The following NDUFB5 variants were observed in gnomAD, a reference collection of about 807,000 sequenced individuals.
NDUFB5 encodes the protein NADH dehydrogenase [ubiquinone] 1 beta subcomplex subunit 5, mitochondrial.
Under a neutral mutation model 19.4 loss-of-function variants are expected in NDUFB5, and 19 were observed. The observed-to-expected ratio is 0.98, with a 90% CI of 0.68 to 1.43. The LOEUF (loss-of-function observed/expected upper bound fraction) is 1.43. Among genes scored for constraint, NDUFB5 ranks in the 40% most tolerant of loss-of-function variants. The pLI, the probability that NDUFB5 is intolerant of heterozygous loss-of-function variation, is 0.00. For synonymous variants in NDUFB5, 80 were observed against 82.6 expected, an observed-to-expected ratio of 0.97 and a Z score of 0.17; for missense variants, 233 against 236.5, an observed-to-expected ratio of 0.99 and a Z score of 0.10.
chr3:179,605,364 G>A (rs572743259), intron 1 of NDUFB5, among the ~76,000 whole-genome samples: 92 of 152,308 alleles, frequency 6.0e-4, no homozygotes, highest in Non-Finnish European at 9.6e-4. Context: ...CAGGTAAAGA[G>A]GCTCAGGGCC....
chr3:179,620,558 C>A (rs1719508959), intron 5 of NDUFB5, among the ~76,000 whole-genome samples: 1 of 152,086 alleles, frequency 6.6e-6, no homozygotes, highest in African/African-American at 2.4e-5. Context: ...TAGTCTATAT[C>A]TCTGTTTTGG....
At chr3:179,619,887 C>T (rs964256083) in intron 5 of NDUFB5, among the ~76,000 whole-genome samples, 16 of 152,142 alleles carry the variant, frequency 1.1e-4, no homozygotes, top group Admixed American at 8.5e-4. Flanking sequence ...TAATGATCAC[C>T]ATTCTAACTG....
intron 1 of NDUFB5, among the ~76,000 whole-genome samples, chr3:179,610,335 TC>T (rs1315601795): frequency 6.6e-6 from 1 of 152,054 alleles, no homozygotes; most frequent in Non-Finnish European, 1.5e-5. Flanking sequence ...CTCAAGAAAT[TC>T]CCCACCTCAG....
At chr3:179,610,441 CTG>C (rs538688056) in intron 1 of NDUFB5, among the ~76,000 whole-genome samples, 6 of 152,178 alleles carry the variant, frequency 3.9e-5, no homozygotes, top group Non-Finnish European at 8.8e-5. Flanking sequence ...GTTGAGTTTT[CTG>C]TGTGTTCTGA....
rs1488201292 is a variant in NDUFB5 at position 179,624,617 on chromosome 3, G to C, written c.*577G>C. 1 of 75,166 alleles carries C rather than the reference G, an allele frequency of 1.3e-5. No individual in the cohort carries two copies. Among genetic ancestry groups the C allele is most frequent in the African/African-American group, 5.9e-5 (1 of 16,874 alleles). The allele number at this position is 75,166 out of a possible 1,614,324, so 4.7% of individuals were successfully genotyped here. A position where few individuals can be genotyped will look rare whatever the true frequency, so the allele number is the denominator to read the frequency against. On this transcript the variant is annotated 3_prime_UTR_variant, in exon 6 of 6. Transcript: ENST00000259037. ...CACACACACACACGCTCTTTTCCTA[G>C]ATGCAATCTCTGGGATCCCTTAGAG...
At chr3:179,623,713 C>T (rs1025064987) in intron 5 of NDUFB5, among the ~76,000 whole-genome samples, 3 of 152,050 alleles carry the variant, frequency 2.0e-5, no homozygotes, top group African/African-American at 7.2e-5. Flanking sequence ...TGATAGCTAT[C>T]TATATAAGCA....
At chr3:179,621,496 C>CTTTT (rs35414472) in intron 5 of NDUFB5, among the ~76,000 whole-genome samples, 1 of 130,590 alleles carries the variant, frequency 7.7e-6, no homozygotes, top group Admixed American at 7.9e-5. Context: ...TTTTCTTTTT[C>CTTTT]TTTTTTTTTT....
chr3:179,622,151 TTTTG>T (rs1488372147), intron 5 of NDUFB5, among the ~76,000 whole-genome samples: 3 of 151,962 alleles, frequency 2.0e-5, no homozygotes, highest in East Asian at 1.9e-4. Flanking sequence ...AGGGGGGTTT[TTTTG>T]TTTGTTTGTT....
chr3:179,610,157 A>G (rs1576877997), intron 1 of NDUFB5, among the ~76,000 whole-genome samples: 1 of 152,128 alleles, frequency 6.6e-6, no homozygotes, highest in Non-Finnish European at 1.5e-5. Flanking sequence ...CAGTGGCGCA[A>G]TCATAGCTCA....
chr3:179,615,379 T>C (rs1013104561), intron 2 of NDUFB5: 3 of 256,530 alleles, frequency 1.2e-5, no homozygotes, highest in African/African-American at 6.7e-5. Context: ...CCAAAGAACT[T>C]GTTGAAAGAC....
chr3:179,611,473 C>T (rs375586240), intron 1 of NDUFB5, among the ~76,000 whole-genome samples: 8 of 151,006 alleles, frequency 5.3e-5, no homozygotes, highest in Non-Finnish European at 1.0e-4. Context: ...AGTGTAGTGG[C>T]GCGATCTTGG....
intron 1 of NDUFB5, among the ~76,000 whole-genome samples, chr3:179,606,207 C>A (rs1005272740): frequency 1.3e-5 from 2 of 152,312 alleles, no homozygotes; most frequent in African/African-American, 4.8e-5. Flanking sequence ...TTTATTATCT[C>A]AGAGACTCTG....
chr3:179,620,327 T>A (rs1236521837), intron 5 of NDUFB5, among the ~76,000 whole-genome samples: 1 of 151,808 alleles, frequency 6.6e-6, no homozygotes, highest in Non-Finnish European at 1.5e-5. Flanking sequence ...TTTTATGGTT[T>A]TAGGTCTAAC....
chr3:179,622,392 C>T (rs529539638), intron 5 of NDUFB5, among the ~76,000 whole-genome samples: 1 of 152,210 alleles, frequency 6.6e-6, no homozygotes, highest in Non-Finnish European at 1.5e-5. Flanking sequence ...AAGCAACCTT[C>T]CCACCTCAGC....
At chr3:179,619,414 T>C (rs1349031482) in intron 5 of NDUFB5, among the ~76,000 whole-genome samples, 3 of 151,202 alleles carry the variant, frequency 2.0e-5, no homozygotes, top group African/African-American at 7.3e-5. Flanking sequence ...TGTGTTCTCA[T>C]TGTTCAATTC....
chr3:179,624,604 C>CACACACACACACACACACACACAT lies in NDUFB5; in HGVS notation c.*564_*565insACACACACACACACACACACACAT, dbSNP rs3832244. 4.7e-5 allele frequency: 7 copies of CACACACACACACACACACACACAT among 150,070 alleles called. No homozygotes were observed. Among genetic ancestry groups the CACACACACACACACACACACACAT allele is most frequent in the African/African-American group, 1.7e-4 (7 of 40,578 alleles). The allele number at this position is 150,070 out of a possible 1,614,324, so 9.3% of individuals were successfully genotyped here. A position where few individuals can be genotyped will look rare whatever the true frequency, so the allele number is the denominator to read the frequency against. On this transcript the variant is annotated 3_prime_UTR_variant, in exon 6 of 6. Coordinates refer to ENST00000259037, the MANE Select transcript of NDUFB5 (RefSeq NM_002492.4). ...ACACACACACACACACACACACACACGCTCTTTTCCTAGATGCAATCTCTG... is the reference window on the plus strand; with the variant it reads ...ACACACACACACACACACACACACACACACACACACACACACACACACATGCTCTTTTCCTAGATGCAATCTCTG...
At chr3:179,622,514 C>T (rs1363622553) in intron 5 of NDUFB5, among the ~76,000 whole-genome samples, 1 of 152,214 alleles carries the variant, frequency 6.6e-6, no homozygotes, top group East Asian at 1.9e-4. Context: ...AAAAACATAA[C>T]AGTATATGTA....
intron 5 of NDUFB5, among the ~76,000 whole-genome samples, chr3:179,620,516 G>T (rs1386379127): frequency 6.6e-6 from 1 of 152,146 alleles, no homozygotes; most frequent in African/African-American, 2.4e-5. Context: ...TAGATATGCG[G>T]CATTATTTCT....
intron 1 of NDUFB5, among the ~76,000 whole-genome samples, chr3:179,613,591 T>A (rs993849340): frequency 1.3e-5 from 2 of 152,234 alleles, no homozygotes; most frequent in Non-Finnish European, 2.9e-5. Flanking sequence ...CAAAAAAAAT[T>A]ATGTATGTTT....
Sources: allele counts gnomAD v4.1 joint callset (sites outside exome capture counted in the v4.1 genomes callset), GRCh38; gene constraint gnomAD v4.1.1; transcripts MANE v1.5; gene names NCBI Gene and HGNC (gene_info 2026-07-23, HGNC 2026-07-21).